Variants in SORCS1 observed in about 807,000 individuals in gnomAD.
SORCS1 encodes sortilin related VPS10 domain containing receptor 1.
SORCS1 carries 60 observed loss-of-function variants against 146.1 expected under a neutral mutation model. That is an observed-to-expected ratio of 0.41 (90% CI 0.33 to 0.51). The LOEUF is 0.51. SORCS1 is among the 20% of genes least tolerant of loss of function. The pLI is 0.21. For missense variants in SORCS1, 1,352 were observed against 1,487.6 expected (o/e 0.91, Z 1.50); for synonymous variants, 637 against 584.0 (o/e 1.09, Z -1.31).
intron 1 of SORCS1, among the ~76,000 whole-genome samples, chr10:107,100,412 G>A (rs1964835467): frequency 6.6e-6 from 1 of 151,994 alleles, no homozygotes; most frequent in African/African-American, 2.4e-5. Context: ...TACTTGGAAG[G>A]CTGAGGCAGG....
chr10:106,651,930 T>G (rs1263932973), intron 18 of SORCS1, among the ~76,000 whole-genome samples: 1 of 152,356 alleles, frequency 6.6e-6, no homozygotes, highest in East Asian at 1.9e-4. Context: ...CAATTATGTT[T>G]ACATTGGCCT....
At chr10:106,794,996 T>C (rs752756323) in intron 3 of SORCS1, among the ~76,000 whole-genome samples, 4 of 152,242 alleles carry the variant, frequency 2.6e-5, no homozygotes, top group Admixed American at 6.5e-5. Context: ...TTCTTATGTC[T>C]GATCCTTTAT....
intron 6 of SORCS1, among the ~76,000 whole-genome samples, chr10:106,713,432 C>T (rs1011882161): frequency 4.7e-5 from 7 of 148,868 alleles, no homozygotes; most frequent in African/African-American, 1.8e-4. Context: ...TGTCTGATGG[C>T]TCTTTTCTTT....
At chr10:106,878,646 A>ATATATATATATATATATATT (rs1200849744) in intron 2 of SORCS1, among the ~76,000 whole-genome samples, 2,451 of 117,462 alleles carry the variant, frequency 0.021, 174 homozygotes, top group Non-Finnish European at 0.033. Flanking sequence ...ATATATATAT[A>ATATATATATATATATATATT]TATTTTATAG....
Position 106,761,642 on chromosome 10 carries a change from A to C in SORCS1, c.905T>G (p.Phe302Cys), listed in dbSNP as rs761249711. 2.5e-6 allele frequency: 4 copies of C among 1,614,064 alleles called. No individual in the cohort carries two copies. The highest frequency in any genetic ancestry group is 2.7e-5 in the African/African-American group (2 of 74,940). ...QDQKLYSSAE[F>C]GRRWQLIQEG... ...TTGGATAAGCTGCCATCTTCTCCCA[A>C]ATTCAGCAGAGCTGTATAACTGTAA... Residue 302 changes from phenylalanine to cysteine, a missense_variant, in exon 5 of 26, where the codon TTT (phenylalanine) becomes TGT (cysteine). This residue lies in a region of SORCS1 where 490 missense variants were observed against 489.1 expected (regional missense o/e 1.00). Coordinates refer to ENST00000263054, the MANE Select transcript of SORCS1 (RefSeq NM_052918.5).
intron 17 of SORCS1, among the ~76,000 whole-genome samples, chr10:106,662,075 C>A (rs2135383783): frequency 6.6e-6 from 1 of 152,236 alleles, no homozygotes; most frequent in East Asian, 1.9e-4. Context: ...TTTATTCCAT[C>A]CATCCTTTCT....
intron 2 of SORCS1, among the ~76,000 whole-genome samples, chr10:106,880,045 T>C (rs1950749916): frequency 6.6e-6 from 1 of 152,232 alleles, no homozygotes; most frequent in South Asian, 2.1e-4. Context: ...TCATGTGAGA[T>C]ATTAGTTCTG....
intron 1 of SORCS1, among the ~76,000 whole-genome samples, chr10:106,980,846 A>C (rs903700156): frequency 2.0e-5 from 3 of 152,214 alleles, no homozygotes; most frequent in Admixed American, 1.3e-4. Flanking sequence ...TGCTGTCAAT[A>C]ATTCAAAGTG....
intron 1 of SORCS1, among the ~76,000 whole-genome samples, chr10:107,009,518 G>C (rs1359952726): frequency 1.3e-5 from 2 of 152,162 alleles, no homozygotes; most frequent in Non-Finnish European, 2.9e-5. Context: ...ATAGTTTTTA[G>C]TAGCAAAATA....
At chr10:106,876,850 A>G (rs1950605890) in intron 2 of SORCS1, among the ~76,000 whole-genome samples, 3 of 151,768 alleles carry the variant, frequency 2.0e-5, no homozygotes, top group Admixed American at 2.0e-4. Flanking sequence ...GTCTCTTGCA[A>G]ATACTACCAA....
intron 5 of SORCS1, among the ~76,000 whole-genome samples, chr10:106,753,120 C>G (rs1344220559): frequency 1.3e-5 from 2 of 150,398 alleles, no homozygotes; most frequent in Admixed American, 1.3e-4. Flanking sequence ...ATCGGTATAT[C>G]TGGTCATTTT....
In SORCS1 at chr10:107,060,081, T is replaced by C. The variant is rs1961035164; in HGVS notation, c.559-103501A>G. 6.6e-6 allele frequency among the ~76,000 whole-genome samples: 1 copy of C among 152,044 alleles called. No individual in the cohort carries two copies. Among genetic ancestry groups the C allele is most frequent in the Non-Finnish European group, 1.5e-5 (1 of 68,006 alleles). ...CAGAATCCTTATCATTGATAGCACA[T>C]AGCTGTACTCTAGCTGACAAATCGC... On this transcript the variant is annotated intron_variant, in intron 1 of 25. Coordinates refer to ENST00000263054, the MANE Select transcript of SORCS1 (RefSeq NM_052918.5). This position sits in a 1 kb window ranked among gnomAD's most constrained non-coding sequence, Gnocchi z 4.1.
chr10:106,914,981 C>A (rs1408437523), intron 2 of SORCS1, among the ~76,000 whole-genome samples: 7 of 152,186 alleles, frequency 4.6e-5, no homozygotes, highest in Admixed American at 1.3e-4. Context: ...GAGTAACAGA[C>A]ACGAGACTGT....
intron 2 of SORCS1, among the ~76,000 whole-genome samples, chr10:106,836,739 A>C (rs936988046): frequency 1.3e-5 from 2 of 151,840 alleles, no homozygotes; most frequent in Non-Finnish European, 2.9e-5. Flanking sequence ...GATTAAATAA[A>C]AAAAAAAAAA....
rs1844525755 is a variant in SORCS1 at position 106,575,216 on chromosome 10, A to G, written c.*2204T>C. On this transcript the variant is annotated 3_prime_UTR_variant, in exon 26 of 26. Coordinates refer to ENST00000263054, the MANE Select transcript of SORCS1 (RefSeq NM_052918.5). ...TAGGAAGCCTGGCAGGTTGGGGATC[A>G]ATTGAGTTCTACAAATAGGTGACTG... 1.3e-5 allele frequency: 2 copies of G among 152,598 alleles called. 1 individual carries two copies. The highest frequency in any genetic ancestry group is 4.1e-4 in the South Asian group (2 of 4,826). The allele number at this position is 152,598 out of a possible 1,614,324, so 9.5% of individuals were successfully genotyped here. A position where few individuals can be genotyped will look rare whatever the true frequency, so the allele number is the denominator to read the frequency against.
In SORCS1 at chr10:106,688,234, C is replaced by T. The variant is rs536267157; in HGVS notation, c.1518G>A (p.Ala506=). 2.1e-5 allele frequency: 34 copies of T among 1,614,038 alleles called. No homozygotes were observed. In the African/African-American group the frequency reaches 3.2e-4, roughly 15 times the overall value. ...GGTCCCCCCTTAGATCCGTGTCCGG[C>T]GCCTGCAGCAAACGCCAGTCTCTGC... ...NKGRDWRLLQ[A]PDTDLRGDPV... Residue 506 remains alanine, a synonymous_variant, in exon 10 of 26, where the codon GCG becomes GCA. Transcript: ENST00000263054.
intron 6 of SORCS1, among the ~76,000 whole-genome samples, chr10:106,712,004 A>C (rs1312538041): frequency 4.6e-5 from 7 of 152,354 alleles, no homozygotes; most frequent in African/African-American, 1.7e-4. Context: ...TGTGTAGTTC[A>C]TAAGAAATCC....
intron 18 of SORCS1, among the ~76,000 whole-genome samples, chr10:106,636,762 T>TA (rs775328298): frequency 5.3e-5 from 8 of 152,294 alleles, no homozygotes; most frequent in Non-Finnish European, 1.0e-4. Context: ...TCTTCAACCC[T>TA]AAAAGAACTC....
At chr10:106,589,783 G>T (rs1001458560) in intron 24 of SORCS1, among the ~76,000 whole-genome samples, 5 of 150,776 alleles carry the variant, frequency 3.3e-5, no homozygotes, top group Non-Finnish European at 7.4e-5. Flanking sequence ...CTTGCCACTT[G>T]AGTTGTAAAC....
Sources: allele counts gnomAD v4.1 joint callset (sites outside exome capture counted in the v4.1 genomes callset), GRCh38; gene constraint gnomAD v4.1.1; regional missense constraint gnomAD v4.1.1; non-coding constraint Gnocchi (gnomAD v3.1); transcripts MANE v1.5; gene names NCBI Gene and HGNC (gene_info 2026-07-23, HGNC 2026-07-21).